Variants in SLC4A10 observed in about 807,000 individuals in gnomAD.
SLC4A10 encodes the protein solute carrier family 4 member 10.
Under a neutral mutation model 137.7 loss-of-function variants are expected in SLC4A10, and 42 were observed. That is an observed-to-expected ratio of 0.30 (90% CI 0.24 to 0.39). The LOEUF (loss-of-function observed/expected upper bound fraction) is 0.39, where lower values mean the gene tolerates loss of function less well. SLC4A10 is among the 10% of genes least tolerant of loss of function. SLC4A10 has a pLI of 1.00. For synonymous variants in SLC4A10, 474 were observed against 464.1 expected (o/e 1.02, Z -0.27); for missense variants, 925 against 1,355.0 (o/e 0.68, Z 4.98).
intron 19 of SLC4A10, among the ~76,000 whole-genome samples, 188 bp downstream of exon 19, chr2:161,951,036 G>A (rs1694710521): frequency 6.6e-6 from 1 of 152,058 alleles, no homozygotes; most frequent in African/African-American, 2.4e-5. Context: ...CTTATTTGTA[G>A]CACTTGGCTG....
chr2:161,911,826 A>T (rs1257576354), intron 15 of SLC4A10, among the ~76,000 whole-genome samples: 1 of 152,102 alleles, frequency 6.6e-6, no homozygotes, highest in Non-Finnish European at 1.5e-5. Flanking sequence ...TTTCCCCCCT[A>T]AAAAGCTAGA....
intron 1 of SLC4A10, among the ~76,000 whole-genome samples, chr2:161,723,302 G>T (rs2045887745): frequency 6.6e-6 from 1 of 152,118 alleles, no homozygotes; most frequent in African/African-American, 2.4e-5. Context: ...AGCTTCCTTT[G>T]CTCTGTGTGG....
chr2:161,647,892 T>A lies in SLC4A10; in HGVS notation c.48+23326T>A, dbSNP rs553171181. Reference sequence around the variant, plus strand: ...GTCTCAATGACCACTTTTTCACTACTAGTACTCGCTGCAGAGCAATAATAC... The same window carrying A: ...GTCTCAATGACCACTTTTTCACTACAAGTACTCGCTGCAGAGCAATAATAC... On this transcript the variant is annotated intron_variant, in intron 1 of 26. Transcript: ENST00000446997. Among the ~76,000 whole-genome samples the A allele has an allele frequency of 2.0e-3, 312 of 152,334 alleles. 1 individual carries two copies. Among genetic ancestry groups the A allele is most frequent in the African/African-American group, 7.1e-3 (294 of 41,578 alleles).
rs190287368 is a variant in SLC4A10 at position 161,753,468 on chromosome 2, T to C, written c.49-17505T>C. Among the ~76,000 whole-genome samples the C allele has an allele frequency of 9.8e-5, 15 of 152,302 alleles. No homozygotes were observed. The East Asian group carries it at 2.9e-3, about 29-fold the overall frequency. On this transcript the variant is annotated intron_variant, in intron 1 of 26. Transcript: ENST00000446997. Reference sequence around the variant, plus strand: ...GGTTTTGGAGTTAGGCAGATCAAAGTTCAAATTCTGCTTCTCCACTTACTG... The same window carrying C: ...GGTTTTGGAGTTAGGCAGATCAAAGCTCAAATTCTGCTTCTCCACTTACTG...
At chr2:161,700,565 A>G (rs1466389229) in intron 1 of SLC4A10, among the ~76,000 whole-genome samples, 1 of 152,144 alleles carries the variant, frequency 6.6e-6, no homozygotes, top group African/African-American at 2.4e-5. Flanking sequence ...AATATCATTT[A>G]TTGAACTTAT....
intron 1 of SLC4A10, among the ~76,000 whole-genome samples, chr2:161,633,737 C>T (rs559292224): frequency 1.6e-4 from 24 of 151,536 alleles, no homozygotes; most frequent in Admixed American, 2.6e-4. Flanking sequence ...CTCAATAACT[C>T]GATGTATCCA....
rs114162140 is a variant in SLC4A10, at chr2:161,695,086, A to G, written c.48+70520A>G. Among the ~76,000 whole-genome samples, 348 of 152,154 alleles carry G rather than the reference A, an allele frequency of 2.3e-3. 1 individual carries two copies. Among genetic ancestry groups the G allele is most frequent in the African/African-American group, 8.0e-3 (333 of 41,546 alleles). ...AGTAATTACTTCTTTTCCTCCAAAG[A>G]TATTTGGAGTTCAACAAAATATAGA... On this transcript the variant is annotated intron_variant, in intron 1 of 26. Transcript: ENST00000446997.
At chr2:161,781,905 A>T (rs1340065578) in intron 2 of SLC4A10, among the ~76,000 whole-genome samples, 1 of 151,972 alleles carries the variant, frequency 6.6e-6, no homozygotes, top group Non-Finnish European at 1.5e-5. Flanking sequence ...AACACCATAC[A>T]ATTGGGAAAA....
chr2:161,770,571 A>G lies in SLC4A10; in HGVS notation c.49-402A>G, dbSNP rs544708376. Among the ~76,000 whole-genome samples, 17 of 152,060 alleles carry G rather than the reference A, an allele frequency of 1.1e-4. No individual in the cohort carries two copies. In the South Asian group the frequency reaches 3.5e-3, roughly 31 times the overall value. The stretch of plus-strand genomic sequence containing the variant: ...TGGAATTATTTTACCCTGCCATAGC[A>G]TTAGTGGTGTTAATACTAATGATTT... On this transcript the variant is annotated intron_variant, in intron 1 of 26. Transcript: ENST00000446997.
At chr2:161,825,840 C>G (rs558195169) in intron 3 of SLC4A10, among the ~76,000 whole-genome samples, 10 of 152,294 alleles carry the variant, frequency 6.6e-5, no homozygotes, top group African/African-American at 2.4e-4. Context: ...TAAAATGTGT[C>G]TGTTTCATCT....
Position 161,824,506 on chromosome 2 carries a change from G to A in SLC4A10, c.278-15283G>A, listed in dbSNP as rs115021008. On this transcript the variant is annotated intron_variant, in intron 3 of 26. Transcript: ENST00000446997. ...ATGGCGAAAAAGGTGGGGGTAAAAG[G>A]TATCAGGATATGGATCTTGGAGAAA... Among the ~76,000 whole-genome samples the A allele has an allele frequency of 6.6e-3, 1,008 of 152,274 alleles. 8 individuals are homozygous for A. Among genetic ancestry groups the A allele is most frequent in the African/African-American group, 0.023 (948 of 41,566 alleles).
At chr2:161,707,073 A>G (rs2043754682) in intron 1 of SLC4A10, among the ~76,000 whole-genome samples, 1 of 151,586 alleles carries the variant, frequency 6.6e-6, no homozygotes. Flanking sequence ...CTTTATTGAG[A>G]AGATAGGTCT....
intron 26 of SLC4A10, among the ~76,000 whole-genome samples, chr2:161,980,941 C>T (rs368799018): frequency 1.7e-4 from 26 of 152,250 alleles, no homozygotes; most frequent in East Asian, 1.3e-3. Flanking sequence ...TCCACAAAAG[C>T]GAACTTAACA....
At chr2:161,907,396 G>T (rs1047755265) in intron 15 of SLC4A10, among the ~76,000 whole-genome samples, 1 of 152,096 alleles carries the variant, frequency 6.6e-6, no homozygotes, top group Non-Finnish European at 1.5e-5. Context: ...CACTGAATTT[G>T]GATATCCTTG....
intron 15 of SLC4A10, among the ~76,000 whole-genome samples, chr2:161,937,917 C>G (rs1234108722): frequency 3.3e-5 from 5 of 152,060 alleles, no homozygotes; most frequent in African/African-American, 1.2e-4. Flanking sequence ...GAATTTTTCT[C>G]CATACCCCAC....
chr2:161,953,501 A>G (rs1163346098), intron 19 of SLC4A10, among the ~76,000 whole-genome samples: 2 of 151,988 alleles, frequency 1.3e-5, no homozygotes, highest in African/African-American at 4.8e-5. Context: ...CCAGCTACTC[A>G]GGAGGCTGAG....
At chr2:161,809,734 T>C (rs888530560) in intron 3 of SLC4A10, among the ~76,000 whole-genome samples, 1 of 152,072 alleles carries the variant, frequency 6.6e-6, no homozygotes, top group Non-Finnish European at 1.5e-5. Context: ...CATTAGTGTG[T>C]GTGTCTGTTT....
chr2:161,970,958 T>A (rs996617731), intron 23 of SLC4A10, among the ~76,000 whole-genome samples: 1 of 152,258 alleles, frequency 6.6e-6, no homozygotes, highest in Non-Finnish European at 1.5e-5. Context: ...TATTTATTCC[T>A]CATTTTATGG....
At chr2:161,859,743 G>A (rs1205111121) in intron 5 of SLC4A10, among the ~76,000 whole-genome samples, 1 of 151,784 alleles carries the variant, frequency 6.6e-6, no homozygotes. Flanking sequence ...TGGGACTACA[G>A]GCGCCCGCCA....
Sources: allele counts gnomAD v4.1 joint callset (sites outside exome capture counted in the v4.1 genomes callset), GRCh38; gene constraint gnomAD v4.1.1; transcripts MANE v1.5; gene names NCBI Gene and HGNC (gene_info 2026-07-23, HGNC 2026-07-21).